CADM2: variants seen among roughly 807,000 people sequenced by gnomAD.
The protein encoded by CADM2 is cell adhesion molecule 2.
Under a neutral mutation model 49.8 loss-of-function variants are expected in CADM2, and 12 were observed. That is an observed-to-expected ratio of 0.24 (90% confidence interval 0.15 to 0.39). CADM2 has a LOEUF of 0.39. Among genes scored for constraint, CADM2 ranks in the 10% least tolerant of loss-of-function variants. CADM2 has a pLI of 1.00. For synonymous variants in CADM2, 214 were observed against 175.4 expected, an observed-to-expected ratio of 1.22 and a Z score of -1.74; for missense variants, 378 against 492.3, an observed-to-expected ratio of 0.77 and a Z score of 2.20.
At chr3:85,405,201 T>A (rs1375530345) in intron 1 of CADM2, among the ~76,000 whole-genome samples, 1 of 152,162 alleles carries the variant, frequency 6.6e-6, no homozygotes, top group East Asian at 1.9e-4. Flanking sequence ...ATTACTATAC[T>A]TAGAAAATCC....
chr3:85,381,603 T>C (rs9824692), intron 1 of CADM2, among the ~76,000 whole-genome samples: 129,526 of 149,510 alleles, frequency 0.87, 56,238 homozygotes, highest in East Asian at 0.95. Flanking sequence ...TTTTTTTTTA[T>C]TAAAAGCCAC....
intron 1 of CADM2, among the ~76,000 whole-genome samples, chr3:85,664,287 A>G (rs1292069719): frequency 6.6e-6 from 1 of 151,998 alleles, no homozygotes; most frequent in Non-Finnish European, 1.5e-5. Context: ...TCAGACACAT[A>G]TATTCAACCA....
chr3:85,590,618 T>C (rs1160759042), intron 1 of CADM2, among the ~76,000 whole-genome samples: 1 of 151,804 alleles, frequency 6.6e-6, no homozygotes, highest in Non-Finnish European at 1.5e-5. Context: ...TGAACTGTTA[T>C]AGAATGAAAA....
rs181738199 is a variant in CADM2, at chr3:85,674,048, A to G, written c.62-52474A>G. On this transcript the variant is annotated intron_variant, in intron 1 of 9. Transcript: ENST00000383699. ...TTCATTTATTTAATAAACTCCCAGT[A>G]AAATATGAACACTGGGTTAAGGTTG... is the stretch of plus-strand genomic sequence containing the variant. 8.1e-4 allele frequency among the ~76,000 whole-genome samples: 124 copies of G among 152,288 alleles called. 1 individual carries two copies. The highest frequency in any genetic ancestry group is 2.9e-3 in the African/African-American group (120 of 41,574).
intron 1 of CADM2, among the ~76,000 whole-genome samples, chr3:85,255,637 T>C (rs1038969350): frequency 1.3e-5 from 2 of 152,102 alleles, no homozygotes; most frequent in Non-Finnish European, 2.9e-5. Context: ...AAAGTTCTGG[T>C]GTGCATTAAG....
At chr3:85,634,922 T>C (rs1330599565) in intron 1 of CADM2, among the ~76,000 whole-genome samples, 1 of 152,084 alleles carries the variant, frequency 6.6e-6, no homozygotes, top group Non-Finnish European at 1.5e-5. Context: ...CATACATGTA[T>C]TTAACAATTC....
intron 2 of CADM2, among the ~76,000 whole-genome samples, chr3:85,727,190 AT>A (rs1200849230): frequency 6.6e-6 from 1 of 152,048 alleles, no homozygotes; most frequent in Non-Finnish European, 1.5e-5. Context: ...TCATTTATGT[AT>A]TTCAATTTCA....
intron 1 of CADM2, among the ~76,000 whole-genome samples, chr3:85,623,565 T>C (rs1321334019): frequency 6.6e-6 from 1 of 152,254 alleles, no homozygotes; most frequent in East Asian, 1.9e-4. Context: ...CAAAGGGTAC[T>C]TAGCTGAGAT....
At chr3:85,663,244 C>A (rs568181281) in intron 1 of CADM2, among the ~76,000 whole-genome samples, 8 of 152,116 alleles carry the variant, frequency 5.3e-5, no homozygotes, top group African/African-American at 1.9e-4. Context: ...ACTCCATACT[C>A]CCTTGAAGTG....
chr3:85,251,024 AT>A (rs931604531), intron 1 of CADM2, among the ~76,000 whole-genome samples: 32 of 151,656 alleles, frequency 2.1e-4, no homozygotes, highest in African/African-American at 7.5e-4. Context: ...TTTTTTTCTA[AT>A]TTTTTAAGAT....
intron 1 of CADM2, among the ~76,000 whole-genome samples, chr3:85,263,084 C>G (rs2043047303): frequency 6.6e-6 from 1 of 151,968 alleles, no homozygotes; most frequent in South Asian, 2.1e-4. Context: ...CCTCTGCCTC[C>G]TGGGTTCAAG....
chr3:85,601,187 CACAT>C (rs2063394795), intron 1 of CADM2, among the ~76,000 whole-genome samples: 1 of 119,176 alleles, frequency 8.4e-6, no homozygotes, highest in African/African-American at 2.7e-5. Flanking sequence ...CACACACACA[CACAT>C]ACATGTCATT....
intron 1 of CADM2, among the ~76,000 whole-genome samples, chr3:84,996,967 G>T (rs1188179387): frequency 6.6e-6 from 1 of 152,064 alleles, no homozygotes. Flanking sequence ...ATTATTAACT[G>T]CTTGTCAACC....
chr3:85,097,458 A>T (rs1449971541), intron 1 of CADM2, among the ~76,000 whole-genome samples: 1 of 152,180 alleles, frequency 6.6e-6, no homozygotes, highest in Non-Finnish European at 1.5e-5. Context: ...CGCAATAAAC[A>T]TATGTGGGCA....
At chr3:85,955,714 GT>G (rs1329761031) in intron 7 of CADM2, among the ~76,000 whole-genome samples, 1 of 151,414 alleles carries the variant, frequency 6.6e-6, no homozygotes, top group Non-Finnish European at 1.5e-5. Context: ...TGAGAGACTT[GT>G]GGCAATACCT....
At chr3:85,407,726 T>A (rs1367011348) in intron 1 of CADM2, among the ~76,000 whole-genome samples, 1 of 152,140 alleles carries the variant, frequency 6.6e-6, no homozygotes, top group Non-Finnish European at 1.5e-5. Flanking sequence ...CTCACAACTG[T>A]AATCTCAGCA....
intron 8 of CADM2, among the ~76,000 whole-genome samples, chr3:86,022,076 TTATAA>T (rs1282485674): frequency 6.6e-6 from 1 of 152,186 alleles, no homozygotes; most frequent in African/African-American, 2.4e-5. Context: ...TATATGCACC[TTATAA>T]TATCATGTTG....
intron 8 of CADM2, among the ~76,000 whole-genome samples, chr3:85,995,185 G>A (rs992800229): frequency 1.3e-5 from 2 of 151,776 alleles, no homozygotes; most frequent in African/African-American, 4.8e-5. Context: ...TTTACTTAAT[G>A]GAATATTTTA....
intron 1 of CADM2, among the ~76,000 whole-genome samples, chr3:85,446,035 A>G (rs919821928): frequency 6.6e-6 from 1 of 152,116 alleles, no homozygotes; most frequent in African/African-American, 2.4e-5. Flanking sequence ...TGTACACTAG[A>G]TAGTCATTAA....
Sources: allele counts gnomAD v4.1 joint callset (sites outside exome capture counted in the v4.1 genomes callset), GRCh38; gene constraint gnomAD v4.1.1; transcripts MANE v1.5; gene names NCBI Gene and HGNC (gene_info 2026-07-23, HGNC 2026-07-21).